HHAT: variants seen among roughly 807,000 people sequenced by gnomAD.
The protein encoded by HHAT is hedgehog acyltransferase.
HHAT carries 47 observed loss-of-function variants against 70.8 expected under a neutral mutation model. That is an observed-to-expected ratio of 0.66 (90% confidence interval 0.53 to 0.85). The LOEUF is 0.85. Among genes scored for constraint, HHAT ranks in the 40% least tolerant of loss-of-function variants. HHAT has a pLI of 0.00. For missense variants in HHAT, 609 were observed against 604.8 expected, an observed-to-expected ratio of 1.01 and a Z score of -0.07; for synonymous variants, 228 against 247.6, an observed-to-expected ratio of 0.92 and a Z score of 0.74.
chr1:210,641,161 C>T (rs570319561), intron 11 of HHAT, among the ~76,000 whole-genome samples: 29 of 152,202 alleles, frequency 1.9e-4, no homozygotes, highest in Non-Finnish European at 2.8e-4. Context: ...TATGTGTTTT[C>T]GGGAAGAATT....
chr1:210,533,026 GCT>G (rs2095331055), intron 9 of HHAT, among the ~76,000 whole-genome samples: 1 of 152,030 alleles, frequency 6.6e-6, no homozygotes. Context: ...GTTGAGTCTT[GCT>G]CTCTCACTAG....
intron 7 of HHAT, among the ~76,000 whole-genome samples, chr1:210,437,893 G>A (rs2093416460): frequency 6.6e-6 from 1 of 151,858 alleles, no homozygotes; most frequent in Admixed American, 6.6e-5. Context: ...ATTGGCCAAT[G>A]GCATGTACCA....
chr1:210,399,863 GTCC>G (rs1177865052), intron 4 of HHAT, among the ~76,000 whole-genome samples: 1 of 152,102 alleles, frequency 6.6e-6, no homozygotes, highest in Non-Finnish European at 1.5e-5. Flanking sequence ...ACTATGCAAA[GTCC>G]TCAATAGCTC....
chr1:210,639,628 G>T (rs1226961533), intron 11 of HHAT, among the ~76,000 whole-genome samples: 1 of 152,224 alleles, frequency 6.6e-6, no homozygotes, highest in Non-Finnish European at 1.5e-5. Flanking sequence ...AAATGTGCAT[G>T]ACACTCACTC....
chr1:210,365,052 G>T (rs1381987763), intron 3 of HHAT, among the ~76,000 whole-genome samples: 1 of 152,134 alleles, frequency 6.6e-6, no homozygotes, highest in Non-Finnish European at 1.5e-5. Context: ...CGGAGGAAAT[G>T]GGTCCTGGTG....
chr1:210,383,028 C>CAAAAAAG (rs2148123405), intron 3 of HHAT, among the ~76,000 whole-genome samples: 1 of 152,020 alleles, frequency 6.6e-6, no homozygotes, highest in South Asian at 2.1e-4. Flanking sequence ...CAGAACTACT[C>CAAAAAAG]AAAAAAGAAA....
intron 9 of HHAT, among the ~76,000 whole-genome samples, chr1:210,564,114 CA>C (rs1336216674): frequency 7.9e-6 from 1 of 126,234 alleles, no homozygotes; most frequent in Non-Finnish European, 1.6e-5. Flanking sequence ...CCACCATGCC[CA>C]ACTATTTTTT....
At chr1:210,630,743 T>C (rs577686425) in intron 11 of HHAT, among the ~76,000 whole-genome samples, 11 of 152,312 alleles carry the variant, frequency 7.2e-5, no homozygotes, top group African/African-American at 2.2e-4. Context: ...TCCATCTCCC[T>C]GTGTGATACA....
At chr1:210,374,080 T>C (rs374591445) in intron 3 of HHAT, 3 of 152,218 alleles carry the variant, frequency 2.0e-5, no homozygotes, top group African/African-American at 4.8e-5. Flanking sequence ...AAACAAACAG[T>C]GACAATGAAT....
intron 10 of HHAT, among the ~76,000 whole-genome samples, chr1:210,599,718 C>G (rs1663814773): frequency 6.6e-6 from 1 of 152,094 alleles, no homozygotes; most frequent in African/African-American, 2.4e-5. Flanking sequence ...TAATCCCTTG[C>G]TTCCACTTCC....
intron 10 of HHAT, among the ~76,000 whole-genome samples, chr1:210,623,036 C>T (rs1048055411): frequency 6.6e-6 from 1 of 152,162 alleles, no homozygotes; most frequent in Non-Finnish European, 1.5e-5. Context: ...TATGTCACTT[C>T]TTTCCTTAGG....
chr1:210,657,135 A>C (rs1676610923), intron 11 of HHAT, among the ~76,000 whole-genome samples: 1 of 152,168 alleles, frequency 6.6e-6, no homozygotes, highest in South Asian at 2.1e-4. Context: ...CACTAGTGAG[A>C]CCAAATCTAT....
At chr1:210,395,536 A>G (rs1450958309) in intron 4 of HHAT, among the ~76,000 whole-genome samples, 3 of 152,186 alleles carry the variant, frequency 2.0e-5, no homozygotes, top group Admixed American at 6.5e-5. Context: ...ACTTTCCTGG[A>G]TTGGTACCTG....
chr1:210,387,130 C>T (rs760590910), intron 3 of HHAT, among the ~76,000 whole-genome samples: 2 of 151,960 alleles, frequency 1.3e-5, no homozygotes, highest in Non-Finnish European at 2.9e-5. Flanking sequence ...TCATGTTTTG[C>T]AAAATGGAAA....
intron 6 of HHAT, among the ~76,000 whole-genome samples, chr1:210,412,869 G>A (rs568392723): frequency 5.3e-5 from 8 of 152,348 alleles, no homozygotes; most frequent in African/African-American, 1.7e-4. Context: ...AGAAATCTAG[G>A]TGGAGGCAGC....
At chr1:210,574,366 A>G (rs1438757519) in intron 9 of HHAT, among the ~76,000 whole-genome samples, 1 of 152,166 alleles carries the variant, frequency 6.6e-6, no homozygotes, top group Non-Finnish European at 1.5e-5. Flanking sequence ...TGGAGAATCT[A>G]TTTTGGAGAC....
intron 9 of HHAT, among the ~76,000 whole-genome samples, chr1:210,518,898 TAGAA>T (rs949800353): frequency 5.3e-5 from 8 of 152,316 alleles, no homozygotes; most frequent in African/African-American, 1.9e-4. Context: ...GGAGTTTTAT[TAGAA>T]AGAGAAATGT....
intron 9 of HHAT, among the ~76,000 whole-genome samples, chr1:210,550,242 T>C (rs2095517049): frequency 6.7e-6 from 1 of 149,418 alleles, no homozygotes; most frequent in African/African-American, 2.5e-5. Context: ...CTGGCTGAGA[T>C]TTCTAACTCC....
At chr1:210,474,280 A>G (rs1353215754) in intron 8 of HHAT, among the ~76,000 whole-genome samples, 1 of 152,178 alleles carries the variant, frequency 6.6e-6, no homozygotes. Context: ...TCCTTTGAGG[A>G]AGAGATAAAT....
Sources: gnomAD v4.1 joint callset for allele counts (sites outside exome capture counted in the v4.1 genomes callset) on GRCh38, gnomAD v4.1.1 for gene constraint, MANE v1.5 for transcripts, NCBI Gene and HGNC (gene_info 2026-07-23, HGNC 2026-07-21) for gene names.